The following PTPRM variants were observed in gnomAD, a reference collection of about 807,000 sequenced individuals.
PTPRM encodes receptor-type tyrosine-protein phosphatase mu.
A neutral mutation model predicts 186.7 loss-of-function variants in PTPRM; 47 were observed. The observed-to-expected ratio is 0.25, with a 90% confidence interval of 0.20 to 0.32. The LOEUF is 0.32. Ranked by LOEUF, PTPRM falls within the 10% of genes least tolerant of loss-of-function variation. The pLI is 1.00. For synonymous variants in PTPRM, 668 were observed against 674.9 expected (o/e 0.99, Z 0.16); for missense variants, 1,494 against 1,865.0 (o/e 0.80, Z 3.66).
chr18:8,183,809 C>T (rs2093608719), intron 14 of PTPRM, among the ~76,000 whole-genome samples: 1 of 152,148 alleles, frequency 6.6e-6, no homozygotes, highest in African/African-American at 2.4e-5. Flanking sequence ...GTGTTTACAT[C>T]CTCAACCTCA....
intron 2 of PTPRM, among the ~76,000 whole-genome samples, chr18:7,779,461 T>C (rs116080257): frequency 0.011 from 1,667 of 152,318 alleles, 22 homozygotes; most frequent in African/African-American, 0.037. Context: ...GTGTGCACTC[T>C]GTGTGATGAC....
intron 2 of PTPRM, among the ~76,000 whole-genome samples, chr18:7,788,485 A>G (rs1440861205): frequency 1.3e-5 from 2 of 152,320 alleles, no homozygotes; most frequent in African/African-American, 2.4e-5. Flanking sequence ...ATTAAAACAT[A>G]TATGAGTGAG....
At chr18:8,073,760 A>G (rs2089635181) in intron 8 of PTPRM, among the ~76,000 whole-genome samples, 2 of 152,138 alleles carry the variant, frequency 1.3e-5, no homozygotes, top group African/African-American at 4.8e-5. Flanking sequence ...AAAATAAATT[A>G]GCTGGCATGC....
At chr18:8,192,808 A>G (rs1239740710) in intron 14 of PTPRM, among the ~76,000 whole-genome samples, 1 of 152,204 alleles carries the variant, frequency 6.6e-6, no homozygotes, top group East Asian at 1.9e-4. Flanking sequence ...CAATATTCAC[A>G]TGACCTTCAA....
chr18:7,821,893 C>A (rs1430364420), intron 2 of PTPRM, among the ~76,000 whole-genome samples: 1 of 152,140 alleles, frequency 6.6e-6, no homozygotes, highest in African/African-American at 2.4e-5. Context: ...CTGCTTAGAA[C>A]AATGCACAGC....
chr18:7,998,750 G>A (rs188385512), intron 7 of PTPRM, among the ~76,000 whole-genome samples: 53 of 152,230 alleles, frequency 3.5e-4, no homozygotes, highest in African/African-American at 1.2e-3. Flanking sequence ...CACCTCCCGG[G>A]TTTAAGTGAT....
intron 2 of PTPRM, among the ~76,000 whole-genome samples, chr18:7,857,655 G>T (rs916057669): frequency 2.0e-5 from 3 of 151,960 alleles, no homozygotes; most frequent in Non-Finnish European, 4.4e-5. Context: ...CACTCCTCAG[G>T]GCCATTCATC....
At chr18:8,141,198 G>GGTTATCCGAGGGCT (rs1320543701) in intron 13 of PTPRM, among the ~76,000 whole-genome samples, 6 of 152,158 alleles carry the variant, frequency 3.9e-5, no homozygotes, top group Non-Finnish European at 8.8e-5. Flanking sequence ...CCACCCATCA[G>GGTTATCCGAGGGCT]GTTATCCGAG....
chr18:7,638,202 A>G (rs1366083418), intron 1 of PTPRM, among the ~76,000 whole-genome samples: 1 of 152,186 alleles, frequency 6.6e-6, no homozygotes, highest in Non-Finnish European at 1.5e-5. Flanking sequence ...GCGAAACCAG[A>G]TTAGTAGAAA....
At chr18:7,651,633 G>C (rs2038707370) in intron 1 of PTPRM, among the ~76,000 whole-genome samples, 1 of 151,730 alleles carries the variant, frequency 6.6e-6, no homozygotes, top group Non-Finnish European at 1.5e-5. Context: ...ACAAACCTGA[G>C]AAAAACAAGC....
chr18:8,003,637 A>G (rs1385039160), intron 7 of PTPRM, among the ~76,000 whole-genome samples: 1 of 152,244 alleles, frequency 6.6e-6, no homozygotes, highest in African/African-American at 2.4e-5. Context: ...AGGCAAAAAT[A>G]AAGTCATAGC....
chr18:8,301,075 G>T lies in PTPRM; in HGVS notation c.2842+4620G>T, dbSNP rs568890405. On this transcript the variant is annotated intron_variant, in intron 20 of 32. Transcript: ENST00000580170. ...TGTAAAGTCTGCTTCCTAGAGCCTCGGACTTGGGATAACACCACTAACTAG... is the reference window on the plus strand; with the variant it reads ...TGTAAAGTCTGCTTCCTAGAGCCTCTGACTTGGGATAACACCACTAACTAG... Among the ~76,000 whole-genome samples the T allele has an allele frequency of 2.0e-5, 3 of 152,232 alleles. No homozygotes were observed. The South Asian group carries it at 6.2e-4, about 32-fold the overall frequency.
chr18:8,392,319 T>C (rs2095817964), intron 31 of PTPRM, among the ~76,000 whole-genome samples: 1 of 152,138 alleles, frequency 6.6e-6, no homozygotes, highest in Admixed American at 6.6e-5. Flanking sequence ...CTGTGTACTG[T>C]GTTTAAAAAT....
At chr18:7,643,528 G>C (rs951495145) in intron 1 of PTPRM, among the ~76,000 whole-genome samples, 2 of 151,940 alleles carry the variant, frequency 1.3e-5, no homozygotes, top group African/African-American at 2.4e-5. Flanking sequence ...TTTTATTAGA[G>C]ACGGGATTTC....
intron 7 of PTPRM, among the ~76,000 whole-genome samples, chr18:7,963,959 A>G (rs2053849448): frequency 6.6e-6 from 1 of 152,208 alleles, no homozygotes; most frequent in Non-Finnish European, 1.5e-5. Context: ...AAAGGAAGAC[A>G]TCTACTAAAT....
chr18:8,309,325 C>G (rs2095250441), intron 20 of PTPRM, among the ~76,000 whole-genome samples: 1 of 152,172 alleles, frequency 6.6e-6, no homozygotes, highest in African/African-American at 2.4e-5. Flanking sequence ...ACTTGGTGTT[C>G]AGACTTAAAT....
intron 1 of PTPRM, among the ~76,000 whole-genome samples, chr18:7,733,370 A>T (rs2040701717): frequency 6.6e-6 from 1 of 152,144 alleles, no homozygotes; most frequent in Admixed American, 6.5e-5. Context: ...TTTGCTGAGA[A>T]TGATGGCTTC....
chr18:8,232,421 G>A (rs931875136), intron 14 of PTPRM, among the ~76,000 whole-genome samples: 14 of 152,226 alleles, frequency 9.2e-5, no homozygotes, highest in African/African-American at 2.4e-4. Flanking sequence ...TCTCTATGGA[G>A]GTTTTGTGTG....
intron 2 of PTPRM, among the ~76,000 whole-genome samples, chr18:7,870,034 A>G (rs2047909050): frequency 6.6e-6 from 1 of 152,182 alleles, no homozygotes; most frequent in Non-Finnish European, 1.5e-5. Flanking sequence ...GCACAGTGGC[A>G]TGGTGGACTT....
Sources: gnomAD v4.1 joint callset for allele counts (sites outside exome capture counted in the v4.1 genomes callset) on GRCh38, gnomAD v4.1.1 for gene constraint, MANE v1.5 for transcripts, NCBI Gene and HGNC (gene_info 2026-07-23, HGNC 2026-07-21) for gene names.